SHANK2: variants seen among roughly 807,000 people sequenced by gnomAD.
SHANK2 encodes the protein SH3 and multiple ankyrin repeat domains protein 2.
A neutral mutation model predicts 133.7 loss-of-function variants in SHANK2; 43 were observed. The ratio of observed to expected loss-of-function variants is 0.32; its 90% CI spans 0.25 to 0.41. The LOEUF (loss-of-function observed/expected upper bound fraction) is 0.41. Ranked by LOEUF, SHANK2 falls within the 10% of genes least tolerant of loss-of-function variation. The pLI, the probability that SHANK2 is intolerant of heterozygous loss-of-function variation, is 1.00. For synonymous variants in SHANK2, 1,017 were observed against 952.8 expected, an observed-to-expected ratio of 1.07 and a Z score of -1.24; for missense variants, 1,994 against 2,235.8, an observed-to-expected ratio of 0.89 and a Z score of 2.18.
intron 17 of SHANK2, among the ~76,000 whole-genome samples, chr11:70,601,887 C>CAGCT (rs1263413950): frequency 6.6e-6 from 1 of 152,206 alleles, no homozygotes; most frequent in Admixed American, 6.5e-5. Flanking sequence ...AGAACAGGGG[C>CAGCT]AGCTGCAGCA....
intron 3 of SHANK2, among the ~76,000 whole-genome samples, chr11:71,125,844 A>G (rs1205889298): frequency 6.6e-6 from 1 of 152,232 alleles, no homozygotes; most frequent in Non-Finnish European, 1.5e-5. Context: ...CTGTCTTGTT[A>G]GGGGCTAATG....
intron 12 of SHANK2, among the ~76,000 whole-genome samples, chr11:70,819,770 CCCAGG>C (rs1443612487): frequency 3.4e-4 from 52 of 152,262 alleles, no homozygotes; most frequent in African/African-American, 8.4e-4. Context: ...CCATGCTGGA[CCCAGG>C]CCTGCAAGTG....
At chr11:71,110,755 A>G (rs994865973) in intron 5 of SHANK2, among the ~76,000 whole-genome samples, 2 of 152,194 alleles carry the variant, frequency 1.3e-5, no homozygotes, top group Non-Finnish European at 2.9e-5. Context: ...TGACAAGTAC[A>G]ATCGGCCTAT....
intron 14 of SHANK2, among the ~76,000 whole-genome samples, chr11:70,730,934 C>A (rs1401657067): frequency 6.6e-6 from 1 of 151,162 alleles, no homozygotes; most frequent in Non-Finnish European, 1.5e-5. Context: ...GCTGTGCAAC[C>A]AGCACTTTTA....
At chr11:71,086,528 AAATATATATAAATATATTATATATAAT>A (rs1951422315) in intron 8 of SHANK2, among the ~76,000 whole-genome samples, 1 of 140,974 alleles carries the variant, frequency 7.1e-6, no homozygotes, top group Non-Finnish European at 1.5e-5. Context: ...TATATAATAT[AAATATATATAAATATATTATATATAAT>A]AATATATATA....
chr11:70,922,185 G>A (rs897726760), intron 10 of SHANK2, among the ~76,000 whole-genome samples: 1 of 152,146 alleles, frequency 6.6e-6, no homozygotes, highest in Non-Finnish European at 1.5e-5. Context: ...TGTAGGAGAT[G>A]GATAAGGAAA....
intron 17 of SHANK2, among the ~76,000 whole-genome samples, chr11:70,616,577 C>T (rs967031437): frequency 6.6e-6 from 1 of 152,192 alleles, no homozygotes; most frequent in Non-Finnish European, 1.5e-5. Flanking sequence ...CTGTTCCCCA[C>T]AGACCCTGGA....
intron 14 of SHANK2, among the ~76,000 whole-genome samples, chr11:70,716,505 C>T (rs922446803): frequency 1.4e-4 from 22 of 152,280 alleles, no homozygotes; most frequent in African/African-American, 5.1e-4. Context: ...GCTCGGGTTT[C>T]GGTGCTGGGA....
chr11:70,863,614 G>A (rs987479044), intron 11 of SHANK2: 5 of 444,020 alleles, frequency 1.1e-5, no homozygotes, highest in Non-Finnish European at 2.3e-5. Context: ...AGCTTTGCTA[G>A]GCCTGGTGCC....
chr11:71,204,097 G>T (rs1233375120), intron 2 of SHANK2, among the ~76,000 whole-genome samples: 1 of 152,194 alleles, frequency 6.6e-6, no homozygotes, highest in East Asian at 1.9e-4. Context: ...AGTGAACCTG[G>T]ATGGGGGTGG....
At chr11:70,549,130 C>T (rs2059732815) in intron 17 of SHANK2, among the ~76,000 whole-genome samples, 1 of 152,202 alleles carries the variant, frequency 6.6e-6, no homozygotes, top group African/African-American at 2.4e-5. Flanking sequence ...TTCCCAGGCA[C>T]AGCTGTGCAC....
intron 1 of SHANK2, among the ~76,000 whole-genome samples, chr11:71,238,454 A>G (rs1954849972): frequency 6.6e-6 from 1 of 152,236 alleles, no homozygotes; most frequent in Non-Finnish European, 1.5e-5. Flanking sequence ...TAAGAAAACC[A>G]AGGCCCAGAG....
At chr11:70,498,068 C>T (rs568907953) in intron 21 of SHANK2, among the ~76,000 whole-genome samples, 3 of 152,254 alleles carry the variant, frequency 2.0e-5, no homozygotes, top group Non-Finnish European at 4.4e-5. Flanking sequence ...CTTCAGCTTT[C>T]CTGGGACCTG....
At chr11:70,584,051 C>T (rs1392435931) in intron 17 of SHANK2, among the ~76,000 whole-genome samples, 1 of 152,200 alleles carries the variant, frequency 6.6e-6, no homozygotes, top group Non-Finnish European at 1.5e-5. Flanking sequence ...GTCTCATCCC[C>T]GGCCGACCCC....
intron 17 of SHANK2, among the ~76,000 whole-genome samples, chr11:70,636,072 C>T (rs1411647424): frequency 2.0e-5 from 3 of 152,272 alleles, no homozygotes; most frequent in African/African-American, 4.8e-5. Context: ...CCCTCCTCTT[C>T]AGGTCTCAGC....
intron 14 of SHANK2, among the ~76,000 whole-genome samples, chr11:70,773,806 C>T (rs781796229): frequency 1.1e-4 from 16 of 152,246 alleles, no homozygotes; most frequent in Middle Eastern, 3.4e-3. Flanking sequence ...ATGCCTATAA[C>T]GATAACAACA....
At chr11:71,077,463 G>A (rs956499198) in intron 8 of SHANK2, among the ~76,000 whole-genome samples, 2 of 152,152 alleles carry the variant, frequency 1.3e-5, no homozygotes, top group Non-Finnish European at 1.5e-5. Context: ...TCTCGTAGGC[G>A]TGTTCCCAAG....
chr11:70,784,343 G>GTTTTTTTTTTTTTTTTTTTTTTTT (rs71049942), intron 14 of SHANK2, among the ~76,000 whole-genome samples: 1 of 42,846 alleles, frequency 2.3e-5, no homozygotes, highest in African/African-American at 7.9e-5. Flanking sequence ...ACACCGGCTA[G>GTTTTTTTTTTTTTTTTTTTTTTTT]TTTTTTTTTT....
At chr11:70,782,173 T>C (rs1947513152) in intron 14 of SHANK2, among the ~76,000 whole-genome samples, 1 of 152,180 alleles carries the variant, frequency 6.6e-6, no homozygotes, top group Admixed American at 6.5e-5. Context: ...CAAGTGATTC[T>C]CCTGCCTCAG....
Sources: gnomAD v4.1 joint callset for allele counts (sites outside exome capture counted in the v4.1 genomes callset) on GRCh38, gnomAD v4.1.1 for gene constraint, MANE v1.5 for transcripts, NCBI Gene and HGNC (gene_info 2026-07-23, HGNC 2026-07-21) for gene names.